CNBD1: variants seen among roughly 807,000 people sequenced by gnomAD.
CNBD1 encodes the protein cyclic nucleotide-binding domain-containing protein 1.
CNBD1 carries 71 observed loss-of-function variants against 54.4 expected under a neutral mutation model. That is an observed-to-expected ratio of 1.30 (90% confidence interval 1.08 to 1.59). CNBD1 has a LOEUF of 1.59. CNBD1 is among the 40% of genes most tolerant of loss of function. The pLI is 0.00. For missense variants in CNBD1, 659 were observed against 518.0 expected, an observed-to-expected ratio of 1.27 and a Z score of -2.64; for synonymous variants, 182 against 170.7, an observed-to-expected ratio of 1.07 and a Z score of -0.51.
At chr8:87,157,849 A>T (rs1812778094) in intron 4 of CNBD1, among the ~76,000 whole-genome samples, 2 of 152,176 alleles carry the variant, frequency 1.3e-5, no homozygotes, top group South Asian at 4.1e-4. Context: ...TTTGGCATGG[A>T]TAAATAGCTG....
chr8:87,108,083 T>C (rs1811579166), intron 4 of CNBD1, among the ~76,000 whole-genome samples: 1 of 152,186 alleles, frequency 6.6e-6, no homozygotes, highest in Non-Finnish European at 1.5e-5. Flanking sequence ...CTTCTCTCCA[T>C]TAATGACATG....
At chr8:87,426,854 T>A (rs1257987594) in intron 2 of CNBD1, among the ~76,000 whole-genome samples, 1 of 152,248 alleles carries the variant, frequency 6.6e-6, no homozygotes, top group Non-Finnish European at 1.5e-5. Flanking sequence ...CCTTAATTGA[T>A]TTAATTTGAC....
At chr8:87,221,252 A>G (rs1814331442) in intron 5 of CNBD1, among the ~76,000 whole-genome samples, 1 of 152,098 alleles carries the variant, frequency 6.6e-6, no homozygotes, top group Non-Finnish European at 1.5e-5. Flanking sequence ...TTCTAATTGA[A>G]CATTGTGTAA....
At chr8:86,994,224 T>G (rs1808818894) in intron 4 of CNBD1, among the ~76,000 whole-genome samples, 1 of 152,058 alleles carries the variant, frequency 6.6e-6, no homozygotes, top group South Asian at 2.1e-4. Flanking sequence ...ACCCTTGGAG[T>G]TGAGCTGCAA....
chr8:86,874,986 T>TTATATATA (rs10584669), intron 1 of CNBD1, among the ~76,000 whole-genome samples: 4,357 of 119,474 alleles, frequency 0.036, 134 homozygotes, highest in Non-Finnish European at 0.043. Flanking sequence ...GTAAATCAAT[T>TTATATATA]TATATATATA....
chr8:87,115,431 CATT>C (rs1811748757), intron 4 of CNBD1, among the ~76,000 whole-genome samples: 1 of 152,096 alleles, frequency 6.6e-6, no homozygotes, highest in Non-Finnish European at 1.5e-5. Context: ...CAATCATTTT[CATT>C]ATGTTTGTCC....
chr8:87,395,394 G>T (rs1422934801), intron 2 of CNBD1, among the ~76,000 whole-genome samples: 1 of 151,782 alleles, frequency 6.6e-6, no homozygotes, highest in Non-Finnish European at 1.5e-5. Flanking sequence ...AATATTTGAG[G>T]AATATAGCAT....
chr8:87,265,358 A>G lies in CNBD1; in HGVS notation c.772-19320A>G, dbSNP rs576562184. 3.9e-5 allele frequency among the ~76,000 whole-genome samples: 6 copies of G among 152,148 alleles called. No homozygotes were observed. The South Asian group carries it at 8.3e-4, about 21-fold the overall frequency. On this transcript the variant is annotated intron_variant, in intron 6 of 10. Coordinates refer to ENST00000518476, the MANE Select transcript of CNBD1 (RefSeq NM_173538.3). ...GGGCTCTGTTCTGTCCCACTGGTCTATATCTCTGTTTTGGTACCAGTACCA... is the reference window on the plus strand; with the variant it reads ...GGGCTCTGTTCTGTCCCACTGGTCTGTATCTCTGTTTTGGTACCAGTACCA...
intron 4 of CNBD1, among the ~76,000 whole-genome samples, chr8:87,190,141 G>A (rs1044045086): frequency 2.0e-5 from 3 of 152,080 alleles, no homozygotes; most frequent in African/African-American, 7.2e-5. Flanking sequence ...CCATTAATCT[G>A]TGGCTCATAG....
chr8:86,871,368 AG>A (rs1418255548), intron 1 of CNBD1, among the ~76,000 whole-genome samples: 2 of 152,238 alleles, frequency 1.3e-5, no homozygotes, highest in Admixed American at 1.3e-4. Context: ...CATCTTTCAC[AG>A]AACTGATCTC....
intron 10 of CNBD1, among the ~76,000 whole-genome samples, chr8:87,373,119 A>G (rs1810852984): frequency 6.6e-6 from 1 of 151,962 alleles, no homozygotes; most frequent in South Asian, 2.1e-4. Context: ...GGCATAGTTT[A>G]CATATTTTTA....
At chr8:87,274,003 G>T (rs375329963) in intron 6 of CNBD1, among the ~76,000 whole-genome samples, 2 of 145,832 alleles carry the variant, frequency 1.4e-5, no homozygotes, top group Non-Finnish European at 3.0e-5. Context: ...TCCCACCTAT[G>T]AGTGAGAATA....
At chr8:87,256,522 A>T (rs2130844682) in intron 6 of CNBD1, among the ~76,000 whole-genome samples, 1 of 152,020 alleles carries the variant, frequency 6.6e-6, no homozygotes, top group Admixed American at 6.6e-5. Flanking sequence ...ATACAGATGA[A>T]GTGCCTGGCA....
At chr8:86,884,111 C>A (rs988590412) in intron 1 of CNBD1, among the ~76,000 whole-genome samples, 9 of 151,316 alleles carry the variant, frequency 5.9e-5, no homozygotes, top group African/African-American at 1.9e-4. Flanking sequence ...GAGATCCCGC[C>A]ACTGCACTCC....
rs143812609 is a variant in CNBD1 at position 87,254,929 on chromosome 8, T to C, written c.771+17817T>C. ...AAGAAAGTAAAAGCAAAATACTTTT[T>C]TTTCCTGGTTATATTTCAGTGACTA... is the stretch of plus-strand genomic sequence containing the variant. On this transcript the variant is annotated intron_variant, in intron 6 of 10. Coordinates refer to ENST00000518476, the MANE Select transcript of CNBD1 (RefSeq NM_173538.3). 3.2e-3 allele frequency among the ~76,000 whole-genome samples: 484 copies of C among 152,288 alleles called. 6 individuals are homozygous for C. The highest frequency in any genetic ancestry group is 0.011 in the African/African-American group (454 of 41,562).
intron 4 of CNBD1, among the ~76,000 whole-genome samples, chr8:87,048,465 A>G (rs926865336): frequency 2.0e-5 from 3 of 152,078 alleles, no homozygotes; most frequent in East Asian, 3.9e-4. Context: ...CCTCTTAATG[A>G]CATCATTTGT....
intron 4 of CNBD1, among the ~76,000 whole-genome samples, chr8:87,154,246 A>T (rs896553839): frequency 6.6e-6 from 1 of 152,206 alleles, no homozygotes; most frequent in Non-Finnish European, 1.5e-5. Flanking sequence ...AATACAGAGT[A>T]AAAAGTGATA....
intron 4 of CNBD1, among the ~76,000 whole-genome samples, chr8:87,188,987 G>GT (rs373029558): frequency 4.9e-4 from 73 of 148,988 alleles, no homozygotes; most frequent in Admixed American, 1.5e-3. Flanking sequence ...AATGGTGTTC[G>GT]TTTTTTTTTC....
intron 3 of CNBD1, among the ~76,000 whole-genome samples, chr8:86,908,800 T>TCC (rs542320751): frequency 1.5e-4 from 20 of 135,762 alleles, no homozygotes; most frequent in Admixed American, 3.7e-4. Flanking sequence ...TTTTTTTTTT[T>TCC]TGTGCTGAGG....
Sources: allele counts gnomAD v4.1 joint callset (sites outside exome capture counted in the v4.1 genomes callset), GRCh38; gene constraint gnomAD v4.1.1; transcripts MANE v1.5; gene names NCBI Gene and HGNC (gene_info 2026-07-23, HGNC 2026-07-21).